CA1: variants seen among roughly 807,000 people sequenced by gnomAD.
CA1 encodes the protein carbonate dehydratase I.
Under a neutral mutation model 28.8 loss-of-function variants are expected in CA1, and 27 were observed. The observed-to-expected ratio is 0.94, with a 90% CI of 0.69 to 1.29. The LOEUF is 1.29. Ranked by LOEUF, CA1 falls within the 50% of genes most tolerant of loss-of-function variation. The probability of loss-of-function intolerance (pLI) is 0.00; values close to 1 mark genes in which losing one functional copy is unlikely to be tolerated. For missense variants in CA1, 335 were observed against 310.5 expected (o/e 1.08, Z -0.59); for synonymous variants, 121 against 108.8 (o/e 1.11, Z -0.70).
At chr8:85,364,274 A>C (rs1809921988) in intron 1 of CA1, among the ~76,000 whole-genome samples, 1 of 152,220 alleles carries the variant, frequency 6.6e-6, no homozygotes, top group Non-Finnish European at 1.5e-5. Context: ...CTATCATCAA[A>C]AGTACATCTC....
chr8:85,347,780 CA>C lies in CA1; in HGVS notation c.-24-6122del, dbSNP rs1190503574. On this transcript the variant is annotated intron_variant, in intron 1 of 7. Transcript: ENST00000523022. ...ACTACTCTTGATACCACTAATTGTACAAAATTCTTTCTGACATCTTTTATAG... is the reference window on the plus strand; with the variant it reads ...ACTACTCTTGATACCACTAATTGTACAAATTCTTTCTGACATCTTTTATAG... Among the ~76,000 whole-genome samples, 42 of 152,186 alleles carry C rather than the reference CA, an allele frequency of 2.8e-4. No individual in the cohort carries two copies. The East Asian group carries it at 7.7e-3, about 28-fold the overall frequency.
chr8:85,335,031 T>C (rs910533224), intron 4 of CA1, among the ~76,000 whole-genome samples: 14 of 147,924 alleles, frequency 9.5e-5, no homozygotes, highest in Non-Finnish European at 2.1e-4. Context: ...AAAGACAGTA[T>C]CTGGCATATT....
chr8:85,342,627 G>A (rs1452743908), intron 1 of CA1: 1 of 152,224 alleles, frequency 6.6e-6, no homozygotes, highest in Non-Finnish European at 1.5e-5. Flanking sequence ...ATGATGAGAA[G>A]GTACACAGGA....
intron 1 of CA1, among the ~76,000 whole-genome samples, chr8:85,356,485 T>C (rs1247604896): frequency 6.6e-6 from 1 of 152,174 alleles, no homozygotes; most frequent in Non-Finnish European, 1.5e-5. Flanking sequence ...ACTCTTATTA[T>C]AATTATTTTC....
chr8:85,329,891 A>G, intron 6 of CA1, 47 bp from the exon 7 acceptor site: 3 of 1,382,928 alleles, frequency 2.2e-6, no homozygotes, highest in Non-Finnish European at 2.0e-6. Context: ...AAATACTTAT[A>G]TGAATATATG....
chr8:85,330,038 A>G (rs1001542780), intron 6 of CA1, among the ~76,000 whole-genome samples, 194 bp from the exon 7 acceptor site: 1 of 152,188 alleles, frequency 6.6e-6, no homozygotes, highest in African/African-American at 2.4e-5. Flanking sequence ...GAAGAAAAAA[A>G]GATGAAAAAT....
At chr8:85,377,473 C>T (rs1166651796) in intron 1 of CA1, among the ~76,000 whole-genome samples, 8 of 152,086 alleles carry the variant, frequency 5.3e-5, no homozygotes, top group South Asian at 4.2e-4. Flanking sequence ...GGGGAATTAA[C>T]GTCAAATTGA....
chr8:85,376,223 C>T (rs772581772), intron 1 of CA1, among the ~76,000 whole-genome samples: 4 of 151,900 alleles, frequency 2.6e-5, no homozygotes, highest in African/African-American at 4.8e-5. Context: ...CCCAGCTACT[C>T]GGGAGGCTGA....
intron 1 of CA1, among the ~76,000 whole-genome samples, chr8:85,369,833 G>A (rs533036326): frequency 6.6e-6 from 1 of 152,194 alleles, no homozygotes; most frequent in South Asian, 2.1e-4. Flanking sequence ...CTTACTAATT[G>A]GAAATTACTT....
intron 1 of CA1, among the ~76,000 whole-genome samples, chr8:85,377,557 C>A (rs1320208595): frequency 1.3e-5 from 2 of 152,204 alleles, no homozygotes; most frequent in African/African-American, 4.8e-5. Flanking sequence ...CTAGTCCCAG[C>A]ACTTTGGGAG....
At chr8:85,330,613 T>A (rs1808358279) in intron 6 of CA1, among the ~76,000 whole-genome samples, 1 of 152,154 alleles carries the variant, frequency 6.6e-6, no homozygotes. Context: ...AAATTCTTTA[T>A]CAAATTCAAT....
intron 1 of CA1, among the ~76,000 whole-genome samples, chr8:85,370,210 T>C (rs1228292683): frequency 1.3e-5 from 2 of 152,222 alleles, no homozygotes; most frequent in Admixed American, 6.5e-5. Context: ...TCTTGTATTT[T>C]ATATGTTTAT....
intron 1 of CA1, among the ~76,000 whole-genome samples, chr8:85,346,124 C>T (rs947894808): frequency 6.6e-6 from 1 of 152,156 alleles, no homozygotes; most frequent in African/African-American, 2.4e-5. Context: ...AAGACATTCG[C>T]AGTGTCTTAC....
At chr8:85,336,769 TTC>T (rs1341661076) in intron 4 of CA1, among the ~76,000 whole-genome samples, 174 bp downstream of exon 4, 5 of 152,260 alleles carry the variant, frequency 3.3e-5, no homozygotes, top group South Asian at 4.1e-4. Context: ...CATGAAAATT[TTC>T]TCTCTCTTGC....
intron 7 of CA1, 124 bp from the exon 8 acceptor site, chr8:85,328,800 T>C (rs1176172668): frequency 1.3e-5 from 7 of 551,694 alleles, no homozygotes; most frequent in Non-Finnish European, 1.9e-5. Flanking sequence ...ATATCACTAA[T>C]AGGAAGAGAG....
intron 1 of CA1, chr8:85,342,757 T>C (rs950670285): frequency 6.6e-6 from 1 of 152,240 alleles, no homozygotes; most frequent in Admixed American, 6.5e-5. Flanking sequence ...ACCATAGTGA[T>C]GCTTTTTTCA....
chr8:85,350,259 CAGA>C (rs1809353478), intron 1 of CA1, among the ~76,000 whole-genome samples: 1 of 152,170 alleles, frequency 6.6e-6, no homozygotes, highest in South Asian at 2.1e-4. Context: ...GTGACTCCCA[CAGA>C]AGGAGTGCAG....
intron 2 of CA1, 92 bp from the exon 3 acceptor site, chr8:85,338,541 G>C (rs751254725): frequency 1.9e-4 from 181 of 956,326 alleles, no homozygotes; most frequent in Non-Finnish European, 2.8e-4. Flanking sequence ...TATTAGATTA[G>C]GGTTTATTTC....
chr8:85,363,878 C>G (rs1809902785), intron 1 of CA1, among the ~76,000 whole-genome samples: 1 of 152,240 alleles, frequency 6.6e-6, no homozygotes, highest in Non-Finnish European at 1.5e-5. Flanking sequence ...ACCTAGCAGG[C>G]AAGGGCCTCA....
Sources: allele counts gnomAD v4.1 joint callset (sites outside exome capture counted in the v4.1 genomes callset), GRCh38; gene constraint gnomAD v4.1.1; transcripts MANE v1.5; gene names NCBI Gene and HGNC (gene_info 2026-07-23, HGNC 2026-07-21).